Variants in DOCK2 observed in about 807,000 individuals in gnomAD.
The protein encoded by DOCK2 is dedicator of cytokinesis 2.
Under a neutral mutation model 248.9 loss-of-function variants are expected in DOCK2, and 87 were observed. That is an observed-to-expected ratio of 0.35 (90% CI 0.29 to 0.42). The LOEUF is 0.42. DOCK2 is among the 10% of genes least tolerant of loss of function. The pLI is 1.00. For synonymous variants in DOCK2, 805 were observed against 821.6 expected (o/e 0.98, Z 0.35); for missense variants, 1,747 against 2,300.2 (o/e 0.76, Z 4.92).
intron 6 of DOCK2, among the ~76,000 whole-genome samples, chr5:169,681,051 G>T (rs1244787478): frequency 6.7e-6 from 1 of 148,446 alleles, no homozygotes; most frequent in African/African-American, 2.5e-5. Context: ...TAAAAGGTCT[G>T]CTATGTGGTA....
At chr5:169,664,771 C>T (rs1758629504) in intron 2 of DOCK2, among the ~76,000 whole-genome samples, 1 of 152,128 alleles carries the variant, frequency 6.6e-6, no homozygotes, top group Non-Finnish European at 1.5e-5. Context: ...CAGGTCCCTC[C>T]TCTGACATAA....
chr5:169,886,719 C>G (rs1772991153), intron 27 of DOCK2, among the ~76,000 whole-genome samples: 1 of 152,178 alleles, frequency 6.6e-6, no homozygotes, highest in Admixed American at 6.5e-5. Flanking sequence ...AGTTCATACT[C>G]TTCATCTTTG....
chr5:169,936,554 G>A (rs1776007519), intron 27 of DOCK2, among the ~76,000 whole-genome samples: 1 of 148,014 alleles, frequency 6.8e-6, no homozygotes, highest in South Asian at 2.2e-4. Flanking sequence ...ATGTTGGGGA[G>A]AATCATTGGT....
chr5:169,853,406 A>G (rs1338136001), intron 27 of DOCK2, among the ~76,000 whole-genome samples: 3 of 152,234 alleles, frequency 2.0e-5, no homozygotes, highest in African/African-American at 4.8e-5. Flanking sequence ...ACTCAAAGGA[A>G]TCAATTCTGT....
chr5:169,831,720 C>T (rs1769238718), intron 26 of DOCK2, among the ~76,000 whole-genome samples: 2 of 152,120 alleles, frequency 1.3e-5, no homozygotes, highest in African/African-American at 4.8e-5. Context: ...AAAGTACATG[C>T]CACATATTAA....
intron 2 of DOCK2, among the ~76,000 whole-genome samples, chr5:169,659,019 T>G: frequency 8.5e-6 from 1 of 117,110 alleles, no homozygotes; most frequent in African/African-American, 3.0e-5. Context: ...TTATTATTAT[T>G]ATTATTATTA....
intron 1 of DOCK2, among the ~76,000 whole-genome samples, chr5:169,651,914 G>T (rs1561907232): frequency 6.6e-6 from 1 of 152,192 alleles, no homozygotes; most frequent in East Asian, 1.9e-4. Context: ...AGATTTAAAG[G>T]CTACACAAAG....
At chr5:169,960,806 G>A (rs1388374770) in intron 27 of DOCK2, among the ~76,000 whole-genome samples, 1 of 152,160 alleles carries the variant, frequency 6.6e-6, no homozygotes, top group Non-Finnish European at 1.5e-5. Context: ...ATTGTGTTCT[G>A]TTCTGAGTCA....
intron 8 of DOCK2, 85 bp from the exon 9 acceptor site, chr5:169,689,167 C>A (rs1353776131): frequency 3.0e-6 from 4 of 1,331,184 alleles, no homozygotes; most frequent in Non-Finnish European, 4.3e-6. Context: ...TGGTGTTGGG[C>A]ACATAGTAGA....
chr5:169,783,583 A>G (rs1288602584), intron 25 of DOCK2, among the ~76,000 whole-genome samples: 1 of 152,146 alleles, frequency 6.6e-6, no homozygotes, highest in African/African-American at 2.4e-5. Flanking sequence ...TTCATTAATA[A>G]TTATTATACC....
intron 22 of DOCK2, among the ~76,000 whole-genome samples, chr5:169,740,267 C>A (rs924565535): frequency 6.6e-6 from 1 of 151,850 alleles, no homozygotes; most frequent in African/African-American, 2.4e-5. Context: ...GTTTTTCTTT[C>A]ATTTCTCCCA....
chr5:169,841,437 C>G, intron 27 of DOCK2: 1 of 985,704 alleles, frequency 1.0e-6, no homozygotes, highest in South Asian at 4.7e-5. Flanking sequence ...GCCCATCGTG[C>G]TTTAAACCAA....
intron 32 of DOCK2, among the ~76,000 whole-genome samples, chr5:170,013,477 C>T (rs540096356): frequency 9.9e-5 from 15 of 152,072 alleles, no homozygotes; most frequent in East Asian, 3.9e-4. Flanking sequence ...AGGTGAAAAA[C>T]GGAAGCTGGA....
intron 23 of DOCK2, among the ~76,000 whole-genome samples, chr5:169,759,281 T>C (rs1764352129): frequency 6.6e-6 from 1 of 152,254 alleles, no homozygotes; most frequent in African/African-American, 2.4e-5. Flanking sequence ...AGCACTAAAA[T>C]AGGCCTGGTG....
chr5:169,857,932 T>A (rs545301470), intron 27 of DOCK2, among the ~76,000 whole-genome samples: 22 of 152,336 alleles, frequency 1.4e-4, no homozygotes, highest in African/African-American at 5.3e-4. Context: ...GTTAAGTTTC[T>A]GAAGATCCTT....
At chr5:169,910,652 G>A (rs748830552) in intron 27 of DOCK2, among the ~76,000 whole-genome samples, 4 of 152,274 alleles carry the variant, frequency 2.6e-5, no homozygotes, top group East Asian at 1.9e-4. Context: ...CAGGGGCCAC[G>A]GCAATGAAGT....
In DOCK2 at chr5:169,712,033, C is replaced by T. The variant is rs577407838; in HGVS notation, c.1555+26C>T. On this transcript the variant is annotated intron_variant, in intron 16 of 51. Coordinates refer to ENST00000520908, the MANE Select transcript of DOCK2 (RefSeq NM_004946.3). ...GTGAGTACCATACTGAATGGCATCTCTGCACCTCCCCCTAAGGGGAGAAGA... is the reference window on the plus strand; with the variant it reads ...GTGAGTACCATACTGAATGGCATCTTTGCACCTCCCCCTAAGGGGAGAAGA... 2.0e-4 allele frequency: 323 copies of T among 1,614,118 alleles called. 2 individuals carry two copies. The South Asian group carries it at 3.3e-3, about 17-fold the overall frequency.
chr5:169,838,845 A>C (rs1439962135), intron 26 of DOCK2, among the ~76,000 whole-genome samples: 2 of 152,220 alleles, frequency 1.3e-5, no homozygotes, highest in Non-Finnish European at 1.5e-5. Flanking sequence ...GCAGAGAAAG[A>C]AAGCTCTGGG....
At chr5:169,800,696 C>T (rs951595695) in intron 25 of DOCK2, among the ~76,000 whole-genome samples, 1 of 152,090 alleles carries the variant, frequency 6.6e-6, no homozygotes, top group Non-Finnish European at 1.5e-5. Flanking sequence ...TCTTTGGTTT[C>T]AAGCAACAGA....
Sources: allele counts gnomAD v4.1 joint callset (sites outside exome capture counted in the v4.1 genomes callset), GRCh38; gene constraint gnomAD v4.1.1; transcripts MANE v1.5; gene names NCBI Gene and HGNC (gene_info 2026-07-23, HGNC 2026-07-21).